CACNB4: variants seen among roughly 807,000 people sequenced by gnomAD.
CACNB4 encodes voltage-dependent L-type calcium channel subunit beta-4.
In CACNB4, 32 loss-of-function variants were observed where a neutral mutation model predicts 71.2. The observed-to-expected ratio is 0.45, with a 90% CI of 0.34 to 0.60. The LOEUF (loss-of-function observed/expected upper bound fraction) is 0.60. CACNB4 is among the 20% of genes least tolerant of loss of function. The pLI is 0.01. For synonymous variants in CACNB4, 231 were observed against 236.9 expected, an observed-to-expected ratio of 0.97 and a Z score of 0.23; for missense variants, 464 against 647.9, an observed-to-expected ratio of 0.72 and a Z score of 3.08.
intron 2 of CACNB4, among the ~76,000 whole-genome samples, chr2:151,943,943 C>T (rs1310571392): frequency 6.6e-6 from 1 of 151,926 alleles, no homozygotes; most frequent in African/African-American, 2.4e-5. Context: ...CATAAGTTGC[C>T]TGTCATTGGA....
intron 2 of CACNB4, among the ~76,000 whole-genome samples, chr2:152,034,400 A>C (rs1341380821): frequency 6.6e-6 from 1 of 152,276 alleles, no homozygotes; most frequent in East Asian, 1.9e-4. Flanking sequence ...GCTCTGGTGA[A>C]GGGTGATAAC....
chr2:151,866,057 T>A (rs1490323024), intron 9 of CACNB4: 1 of 152,252 alleles, frequency 6.6e-6, no homozygotes, highest in Admixed American at 6.5e-5. Context: ...AGTGCTGGGA[T>A]TATAGGCATG....
chr2:151,838,890 A>C lies in CACNB4; in HGVS notation c.*229T>G, dbSNP rs990185142. 2.6e-5 allele frequency: 11 copies of C among 416,880 alleles called. No homozygotes were observed. The highest frequency in any genetic ancestry group is 2.2e-4 in the African/African-American group (11 of 50,068). The allele number at this position is 416,880 out of a possible 1,614,324, so 25.8% of individuals were successfully genotyped here. A position where few individuals can be genotyped will look rare whatever the true frequency, so the allele number is the denominator to read the frequency against. Reference sequence around the variant, plus strand: ...TATGAAGAAAACAAAATGTACTGTTATCATGTAAATGTTGCACTTAAAAAT... The same window carrying C: ...TATGAAGAAAACAAAATGTACTGTTCTCATGTAAATGTTGCACTTAAAAAT... On this transcript the variant is annotated 3_prime_UTR_variant, in exon 14 of 14. Coordinates refer to ENST00000539935, the MANE Select transcript of CACNB4 (RefSeq NM_000726.5).
At chr2:151,877,360 C>T (rs1042128041) in intron 4 of CACNB4, among the ~76,000 whole-genome samples, 6 of 152,182 alleles carry the variant, frequency 3.9e-5, no homozygotes, top group African/African-American at 1.4e-4. Context: ...GTGGGTCAGA[C>T]TGGACCTGTG....
rs572813950 is a variant in CACNB4, at chr2:151,881,340, A to G, written c.268-418T>C. ...AAAGGTGGGAAGAGGATAAAATAGT[A>G]TTTTTTAAATAGTCCAGATCTGAAA... On this transcript the variant is annotated intron_variant, in intron 3 of 13. Coordinates refer to ENST00000539935, the MANE Select transcript of CACNB4 (RefSeq NM_000726.5). Among the ~76,000 whole-genome samples, 4 of 152,214 alleles carry G rather than the reference A, an allele frequency of 2.6e-5. No homozygotes were observed. In the East Asian group the frequency reaches 5.8e-4, roughly 22 times the overall value.
chr2:151,884,719 C>G (rs971353697), intron 2 of CACNB4, among the ~76,000 whole-genome samples: 1 of 152,000 alleles, frequency 6.6e-6, no homozygotes, highest in Non-Finnish European at 1.5e-5. Context: ...TTCCTTGCCT[C>G]CCCCACCGCA....
At chr2:151,853,103 G>A (rs2151351614) in intron 12 of CACNB4, 1 of 208,696 alleles carries the variant, frequency 4.8e-6, no homozygotes, top group South Asian at 8.5e-5. Context: ...GTTAAAGGAA[G>A]ATCAAATTGG....
At position 152,098,910 on chromosome 2, in the gene CACNB4, A is replaced by T. The variant is rs557438904; in HGVS notation, c.63+39T>A. ...GGCGGCGGAGGAGGTGTGAGGAAGGAAGAGGAGGAAGAGGAGAAGGGGGAG... is the reference window on the plus strand; with the variant it reads ...GGCGGCGGAGGAGGTGTGAGGAAGGTAGAGGAGGAAGAGGAGAAGGGGGAG... On this transcript the variant is annotated intron_variant, in intron 1 of 13. Coordinates refer to ENST00000539935, the MANE Select transcript of CACNB4 (RefSeq NM_000726.5). This position sits in a 1 kb window ranked among gnomAD's most constrained non-coding sequence, Gnocchi z 5.3. 4 of 1,189,988 alleles carry T rather than the reference A, an allele frequency of 3.4e-6. No individual in the cohort carries two copies. The highest frequency in any genetic ancestry group is 3.4e-6 in the Non-Finnish European group (3 of 890,318). The allele number at this position is 1,189,988 out of a possible 1,614,324, so 73.7% of individuals were successfully genotyped here.
rs549988671 is a variant in CACNB4 at position 151,997,901 on chromosome 2, C to T, written c.147+100429G>A. The stretch of plus-strand genomic sequence containing the variant: ...TTAATACATGATACTATCTTTTTCA[C>T]TTTCGTGGGAGCCATCATTTCAGAA... On this transcript the variant is annotated intron_variant, in intron 2 of 13. Coordinates refer to ENST00000539935, the MANE Select transcript of CACNB4 (RefSeq NM_000726.5). Among the ~76,000 whole-genome samples the T allele has an allele frequency of 3.9e-5, 6 of 152,338 alleles. No individual in the cohort carries two copies. The South Asian group carries it at 8.3e-4, about 21-fold the overall frequency.
intron 2 of CACNB4, among the ~76,000 whole-genome samples, chr2:151,966,919 A>G (rs1456939892): frequency 6.6e-6 from 1 of 152,148 alleles, no homozygotes; most frequent in Non-Finnish European, 1.5e-5. Flanking sequence ...AGTAAGTTCT[A>G]TCATTATTGA....
chr2:151,892,047 A>C (rs2099850839), intron 2 of CACNB4, among the ~76,000 whole-genome samples: 2 of 152,170 alleles, frequency 1.3e-5, no homozygotes, highest in South Asian at 4.1e-4. Flanking sequence ...GCACTAATCT[A>C]GTTTCAGCAG....
intron 2 of CACNB4, among the ~76,000 whole-genome samples, chr2:151,951,879 C>T (rs1170795269): frequency 1.3e-5 from 2 of 152,122 alleles, no homozygotes; most frequent in Non-Finnish European, 2.9e-5. Context: ...CAAAAAAATT[C>T]CTTAGGCATA....
intron 4 of CACNB4, among the ~76,000 whole-genome samples, chr2:151,878,334 G>A (rs1290660065): frequency 6.6e-6 from 1 of 152,072 alleles, no homozygotes; most frequent in East Asian, 1.9e-4. Context: ...TGAGAAATAT[G>A]TTCTGGTAAG....
At position 151,902,823 on chromosome 2, in the gene CACNB4, T is replaced by C. The variant is rs1254864153; in HGVS notation, c.148-19453A>G. Reference sequence around the variant, plus strand: ...AAAAAAAAAATCCACCTAGTTTTCATCAAATTGTACCCTATTGTGTGCAAT... The same window carrying C: ...AAAAAAAAAATCCACCTAGTTTTCACCAAATTGTACCCTATTGTGTGCAAT... On this transcript the variant is annotated intron_variant, in intron 2 of 13. Coordinates refer to ENST00000539935, the MANE Select transcript of CACNB4 (RefSeq NM_000726.5). Among the ~76,000 whole-genome samples, 6 of 152,292 alleles carry C rather than the reference T, an allele frequency of 3.9e-5. No individual in the cohort carries two copies. The East Asian group carries it at 9.6e-4, about 24-fold the overall frequency.
chr2:151,951,301 AC>A (rs1340683516), intron 2 of CACNB4, among the ~76,000 whole-genome samples: 4 of 151,936 alleles, frequency 2.6e-5, no homozygotes, highest in Admixed American at 6.6e-5. Context: ...AAAAAAAAAA[AC>A]AACTAATAAC....
At chr2:151,973,640 G>C (rs750433767) in intron 2 of CACNB4, 1 of 1,604,048 alleles carries the variant, frequency 6.2e-7, no homozygotes, top group South Asian at 1.1e-5. Context: ...GGAGGGGAGA[G>C]GGAATTAGCT....
chr2:151,862,913 T>A (rs1036528301), intron 9 of CACNB4, among the ~76,000 whole-genome samples: 1 of 152,182 alleles, frequency 6.6e-6, no homozygotes, highest in Non-Finnish European at 1.5e-5. Context: ...AGTCTTCGCC[T>A]TGCTCTGAGA....
chr2:151,997,529 G>A (rs576451089), intron 2 of CACNB4, among the ~76,000 whole-genome samples: 114 of 112,430 alleles, frequency 1.0e-3, no homozygotes, highest in African/African-American at 2.7e-3. Context: ...GTGAGACTCT[G>A]TCTCAAAAAA....
intron 2 of CACNB4, chr2:151,972,260 GC>G (rs2099872771): frequency 6.6e-6 from 1 of 152,182 alleles, no homozygotes; most frequent in South Asian, 2.1e-4. Context: ...TTCACTGCCT[GC>G]CCAAGTTTAA....
Sources: allele counts gnomAD v4.1 joint callset (sites outside exome capture counted in the v4.1 genomes callset), GRCh38; gene constraint gnomAD v4.1.1; non-coding constraint Gnocchi (gnomAD v3.1); transcripts MANE v1.5; gene names NCBI Gene and HGNC (gene_info 2026-07-23, HGNC 2026-07-21).